The following PLXNA4 variants were observed in gnomAD, a reference collection of about 807,000 sequenced individuals.
The protein encoded by PLXNA4 is plexin A4, also known as plexin-A4.
In PLXNA4, 44 loss-of-function variants were observed where a neutral mutation model predicts 191.8. The ratio of observed to expected loss-of-function variants is 0.23; its 90% CI spans 0.18 to 0.29. The LOEUF (loss-of-function observed/expected upper bound fraction) is 0.29. PLXNA4 is among the 10% of genes least tolerant of loss of function. PLXNA4 has a pLI of 1.00. For missense variants in PLXNA4, 1,800 were observed against 2,488.8 expected (o/e 0.72, Z 5.89); for synonymous variants, 1,082 against 1,009.5 (o/e 1.07, Z -1.36).
At chr7:132,625,254 T>A (rs139813779) in intron 2 of PLXNA4, among the ~76,000 whole-genome samples, 1 of 152,030 alleles carries the variant, frequency 6.6e-6, no homozygotes, top group Non-Finnish European at 1.5e-5. Flanking sequence ...AACCACATGA[T>A]GAAAGCCCCT....
At chr7:132,343,990 C>A (rs539475250) in intron 3 of PLXNA4, among the ~76,000 whole-genome samples, 9 of 152,200 alleles carry the variant, frequency 5.9e-5, no homozygotes, top group Non-Finnish European at 1.3e-4. Context: ...TTAGAGCAAA[C>A]ACTTAGTTTA....
At chr7:132,554,174 G>T (rs1800689293) in intron 1 of PLXNA4, among the ~76,000 whole-genome samples, 1 of 152,194 alleles carries the variant, frequency 6.6e-6, no homozygotes, top group Non-Finnish European at 1.5e-5. Context: ...CAGAATATCT[G>T]AAACACAGGC....
chr7:132,607,293 G>T (rs550072730), intron 2 of PLXNA4, among the ~76,000 whole-genome samples: 2 of 152,220 alleles, frequency 1.3e-5, no homozygotes, highest in South Asian at 4.2e-4. Context: ...AGTTGTCTAA[G>T]GAAAAGCAGC....
chr7:132,334,826 G>A (rs1000614486), intron 3 of PLXNA4, among the ~76,000 whole-genome samples: 5 of 152,136 alleles, frequency 3.3e-5, no homozygotes, highest in Non-Finnish European at 5.9e-5. Context: ...CCAGAACATC[G>A]GCATTGAATG....
intron 3 of PLXNA4, among the ~76,000 whole-genome samples, chr7:132,318,712 C>A (rs1468317604): frequency 7.3e-6 from 1 of 137,656 alleles, no homozygotes; most frequent in Non-Finnish European, 1.5e-5. Context: ...CCAATCTCAT[C>A]TGTCCCCTGA....
At chr7:132,457,202 T>C (rs553408049) in intron 3 of PLXNA4, among the ~76,000 whole-genome samples, 4 of 152,232 alleles carry the variant, frequency 2.6e-5, no homozygotes, top group South Asian at 2.1e-4. Flanking sequence ...AACATTGTAC[T>C]GTTAACCAAA....
intron 3 of PLXNA4, among the ~76,000 whole-genome samples, chr7:132,390,230 T>G: frequency 6.6e-6 from 1 of 152,152 alleles, no homozygotes; most frequent in East Asian, 1.9e-4. Flanking sequence ...TGGAATACTA[T>G]GCAGCCATAA....
intron 4 of PLXNA4, among the ~76,000 whole-genome samples, chr7:132,291,901 T>C (rs1800906009): frequency 6.6e-6 from 1 of 152,180 alleles, no homozygotes; most frequent in African/African-American, 2.4e-5. Flanking sequence ...TTGAAGCGAT[T>C]CTCCTGCCTC....
intron 19 of PLXNA4, 144 bp downstream of exon 19, chr7:132,180,442 T>A (rs10259774): frequency 1.5e-6 from 2 of 1,300,244 alleles, no homozygotes; most frequent in African/African-American, 3.0e-5. Flanking sequence ...AAAGTGAACA[T>A]GAAGAAAGAA....
chr7:132,585,385 G>A (rs1326295204), intron 2 of PLXNA4, among the ~76,000 whole-genome samples: 1 of 152,064 alleles, frequency 6.6e-6, no homozygotes, highest in Admixed American at 6.6e-5. Context: ...TGTGTAGGGA[G>A]AGACAAAGAA....
intron 4 of PLXNA4, among the ~76,000 whole-genome samples, chr7:132,266,684 G>C (rs1440129412): frequency 5.3e-5 from 8 of 152,214 alleles, no homozygotes; most frequent in African/African-American, 1.7e-4. Context: ...TTGAGAACTT[G>C]GGTGGTTTCT....
chr7:132,480,929 G>A (rs1249081539), intron 3 of PLXNA4, among the ~76,000 whole-genome samples: 1 of 152,220 alleles, frequency 6.6e-6, no homozygotes, highest in Non-Finnish European at 1.5e-5. Context: ...GACTCGAAAT[G>A]TGAAGGCCGA....
At chr7:132,148,090 GA>G in intron 26 of PLXNA4, 91 bp from the exon 27 acceptor site, 1 of 1,585,904 alleles carries the variant, frequency 6.3e-7, no homozygotes, top group Non-Finnish European at 8.6e-7. Context: ...GCACTAAGGG[GA>G]AATTGGTGCC....
In PLXNA4 at chr7:132,168,012, G is replaced by A. The variant is rs76659245; in HGVS notation, c.4286+292C>T. Among the ~76,000 whole-genome samples the A allele has an allele frequency of 9.4e-3, 1,432 of 152,320 alleles. 11 individuals are homozygous for A. Among genetic ancestry groups the A allele is most frequent in the Non-Finnish European group, 0.016 (1,081 of 68,030 alleles). On this transcript the variant is annotated intron_variant, in intron 22 of 31. Transcript: ENST00000321063. ...GAAGATTCCATGAGAGGAGATTGCA[G>A]TAGACAGGGTCAAGATTAAGTAGAA...
chr7:132,188,801 AT>A (rs1293993524), intron 14 of PLXNA4, among the ~76,000 whole-genome samples: 1 of 151,798 alleles, frequency 6.6e-6, no homozygotes, highest in East Asian at 1.9e-4. Flanking sequence ...TGGACAAGAC[AT>A]TTCACCTCTC....
At chr7:132,348,554 G>T (rs1803344187) in intron 3 of PLXNA4, among the ~76,000 whole-genome samples, 1 of 152,208 alleles carries the variant, frequency 6.6e-6, no homozygotes, top group African/African-American at 2.4e-5. Flanking sequence ...TGAGGTCAAT[G>T]GAGAGGTTGT....
At position 132,625,107 on chromosome 7, in the gene PLXNA4, C is replaced by G. The variant is rs539719793; in HGVS notation, c.-87+20821G>C. ...CTTTGTTCTTCAAACTTGTCCTCTACTTACTTTTTCTATCTCAAAAGTGAG... is the reference window on the plus strand; with the variant it reads ...CTTTGTTCTTCAAACTTGTCCTCTAGTTACTTTTTCTATCTCAAAAGTGAG... On this transcript the variant is annotated intron_variant, in intron 2 of 4. Coordinates refer to the PLXNA4 transcript ENST00000378539. Among the ~76,000 whole-genome samples the G allele has an allele frequency of 5.3e-5, 8 of 152,298 alleles. 1 individual carries two copies. The highest frequency in any genetic ancestry group is 1.9e-4 in the African/African-American group (8 of 41,546).
At chr7:132,154,263 C>A (rs1338156911) in intron 25 of PLXNA4, among the ~76,000 whole-genome samples, 1 of 152,094 alleles carries the variant, frequency 6.6e-6, no homozygotes. Flanking sequence ...TGACAGGGAG[C>A]CCTGAGACCT....
chr7:132,546,987 C>T (rs1800339316), intron 1 of PLXNA4, among the ~76,000 whole-genome samples: 1 of 152,256 alleles, frequency 6.6e-6, no homozygotes. Flanking sequence ...CAAAAGGATG[C>T]TAATTTGTTA....
Sources: gnomAD v4.1 joint callset for allele counts (sites outside exome capture counted in the v4.1 genomes callset) on GRCh38, gnomAD v4.1.1 for gene constraint, MANE v1.5 for transcripts, NCBI Gene and HGNC (gene_info 2026-07-23, HGNC 2026-07-21) for gene names.